SPOCK3: variants seen among roughly 807,000 people sequenced by gnomAD.
SPOCK3 encodes the protein testican-3.
A neutral mutation model predicts 56.6 loss-of-function variants in SPOCK3; 30 were observed. The observed-to-expected ratio is 0.53, with a 90% CI of 0.40 to 0.72. The LOEUF is 0.72. SPOCK3 is among the 30% of genes least tolerant of loss of function. The probability of loss-of-function intolerance (pLI) is 0.00; values close to 1 mark genes in which losing one functional copy is unlikely to be tolerated. For synonymous variants in SPOCK3, 196 were observed against 183.3 expected, an observed-to-expected ratio of 1.07 and a Z score of -0.56; for missense variants, 527 against 530.0, an observed-to-expected ratio of 0.99 and a Z score of 0.06.
At chr4:167,128,751 G>A (rs143409332) in intron 2 of SPOCK3, among the ~76,000 whole-genome samples, 88 of 152,278 alleles carry the variant, frequency 5.8e-4, no homozygotes, top group Admixed American at 5.4e-3. Context: ...ATTGCCATTT[G>A]TTCTCCTCCT....
At chr4:166,882,668 C>A (rs1394876236) in intron 6 of SPOCK3, among the ~76,000 whole-genome samples, 1 of 152,094 alleles carries the variant, frequency 6.6e-6, no homozygotes, top group African/African-American at 2.4e-5. Flanking sequence ...TTCAAAATTT[C>A]TAAGTAAAAT....
At chr4:166,811,428 GT>G (rs1200589259) in intron 6 of SPOCK3, among the ~76,000 whole-genome samples, 11 of 149,598 alleles carry the variant, frequency 7.4e-5, no homozygotes, top group South Asian at 2.1e-4. Flanking sequence ...ATAGTTTCAT[GT>G]TTTTTTTCAC....
intron 2 of SPOCK3, among the ~76,000 whole-genome samples, chr4:167,199,796 A>T (rs976494965): frequency 6.7e-6 from 1 of 150,210 alleles, no homozygotes; most frequent in African/African-American, 2.4e-5. Context: ...TCATAGAAAA[A>T]TTTTTCTGCA....
intron 4 of SPOCK3, among the ~76,000 whole-genome samples, chr4:166,968,240 G>A (rs915452651): frequency 6.6e-6 from 1 of 152,206 alleles, no homozygotes; most frequent in East Asian, 1.9e-4. Context: ...GCCTGAACAT[G>A]TGGTAGAAAA....
At chr4:166,920,511 A>G (rs1359507613) in intron 4 of SPOCK3, among the ~76,000 whole-genome samples, 1 of 152,218 alleles carries the variant, frequency 6.6e-6, no homozygotes. Context: ...GCTTTCAACC[A>G]TTAACTGTGC....
chr4:166,859,998 C>G (rs1388896098), intron 6 of SPOCK3, among the ~76,000 whole-genome samples: 1 of 152,098 alleles, frequency 6.6e-6, no homozygotes, highest in Non-Finnish European at 1.5e-5. Flanking sequence ...ACCACAGTGA[C>G]TAGAATTTAT....
chr4:166,887,673 C>T (rs904001212), intron 6 of SPOCK3, among the ~76,000 whole-genome samples: 1 of 151,990 alleles, frequency 6.6e-6, no homozygotes, highest in Non-Finnish European at 1.5e-5. Context: ...ACAGAAGGAA[C>T]CACACTGGGT....
intron 6 of SPOCK3, among the ~76,000 whole-genome samples, chr4:166,836,009 C>T (rs1746575882): frequency 1.3e-5 from 2 of 151,870 alleles, no homozygotes; most frequent in Admixed American, 1.3e-4. Context: ...TCTTGTCTCA[C>T]ACACACACAC....
At chr4:166,863,335 C>T (rs988427324) in intron 6 of SPOCK3, among the ~76,000 whole-genome samples, 3 of 152,020 alleles carry the variant, frequency 2.0e-5, no homozygotes, top group Non-Finnish European at 2.9e-5. Flanking sequence ...CAAAAACACA[C>T]CAAAATACAA....
chr4:167,037,557 T>C (rs994670620), intron 3 of SPOCK3, among the ~76,000 whole-genome samples: 2 of 151,906 alleles, frequency 1.3e-5, no homozygotes, highest in Non-Finnish European at 2.9e-5. Flanking sequence ...TTTTGAAATA[T>C]CTAAAAGCAT....
intron 6 of SPOCK3, among the ~76,000 whole-genome samples, chr4:166,825,431 G>A (rs777187177): frequency 3.3e-5 from 5 of 151,976 alleles, no homozygotes; most frequent in Non-Finnish European, 4.4e-5. Flanking sequence ...ATTTTACACC[G>A]CTGGTAGGAA....
chr4:166,952,994 T>C (rs1278646374), intron 4 of SPOCK3, among the ~76,000 whole-genome samples: 1 of 151,566 alleles, frequency 6.6e-6, no homozygotes, highest in Non-Finnish European at 1.5e-5. Flanking sequence ...GAAGAAAACC[T>C]AGGCATTACC....
At chr4:167,013,734 C>T (rs962129222) in intron 3 of SPOCK3, among the ~76,000 whole-genome samples, 3 of 151,892 alleles carry the variant, frequency 2.0e-5, no homozygotes, top group Admixed American at 6.6e-5. Context: ...TAAAAGAAAG[C>T]CCCTACTAAT....
intron 4 of SPOCK3, among the ~76,000 whole-genome samples, chr4:166,987,071 G>A (rs1450939532): frequency 6.6e-6 from 1 of 152,128 alleles, no homozygotes; most frequent in African/African-American, 2.4e-5. Flanking sequence ...CTGAAGCCCT[G>A]CCATGGTTTG....
chr4:166,783,931 T>G (rs2126627268), intron 7 of SPOCK3, among the ~76,000 whole-genome samples: 1 of 152,286 alleles, frequency 6.6e-6, no homozygotes, highest in South Asian at 2.1e-4. Flanking sequence ...TGTTTTGTTT[T>G]ATTTTTCTGC....
At chr4:166,985,862 T>C (rs933614960) in intron 4 of SPOCK3, among the ~76,000 whole-genome samples, 2 of 152,130 alleles carry the variant, frequency 1.3e-5, no homozygotes, top group Non-Finnish European at 2.9e-5. Flanking sequence ...ATATCAACAT[T>C]TCCAATTTGG....
intron 3 of SPOCK3, among the ~76,000 whole-genome samples, chr4:167,040,611 A>G (rs1753158647): frequency 6.6e-6 from 1 of 152,228 alleles, no homozygotes; most frequent in Admixed American, 6.5e-5. Flanking sequence ...TTCCCCCAAC[A>G]TATTTTTGTA....
At chr4:167,139,838 C>T (rs1181523733) in intron 2 of SPOCK3, among the ~76,000 whole-genome samples, 5 of 151,822 alleles carry the variant, frequency 3.3e-5, no homozygotes, top group African/African-American at 4.8e-5. Context: ...TGGTAATTAC[C>T]TTACTCTAGC....
rs542347783 is a variant in SPOCK3 at position 166,998,871 on chromosome 4, C to T, written c.350+1478G>A. Among the ~76,000 whole-genome samples the T allele has an allele frequency of 2.0e-3, 307 of 151,970 alleles. 2 individuals are homozygous for T. Among genetic ancestry groups the T allele is most frequent in the Non-Finnish European group, 2.7e-3 (182 of 67,964 alleles). On this transcript the variant is annotated intron_variant, in intron 4 of 10. Coordinates refer to ENST00000357545, the MANE Select transcript of SPOCK3 (RefSeq NM_001040159.2). ...GACACCCTTCTCTTTTTTATTTCAC[C>T]CCCTATATACACACATTCACATACT...
Sources: allele counts gnomAD v4.1 joint callset (sites outside exome capture counted in the v4.1 genomes callset), GRCh38; gene constraint gnomAD v4.1.1; transcripts MANE v1.5; gene names NCBI Gene and HGNC (gene_info 2026-07-23, HGNC 2026-07-21).